GRIK2: variants seen among roughly 807,000 people sequenced by gnomAD.
GRIK2 encodes glutamate receptor ionotropic, kainate 2.
Under a neutral mutation model 100.3 loss-of-function variants are expected in GRIK2, and 32 were observed. That is an observed-to-expected ratio of 0.32 (90% CI 0.24 to 0.43). The LOEUF (loss-of-function observed/expected upper bound fraction) is 0.43, where lower values mean the gene tolerates loss of function less well. Ranked by LOEUF, GRIK2 falls within the 20% of genes least tolerant of loss-of-function variation. GRIK2 has a pLI of 1.00. For missense variants in GRIK2, 843 were observed against 1,114.9 expected (o/e 0.76, Z 3.47); for synonymous variants, 417 against 389.4 (o/e 1.07, Z -0.83).
intron 15 of GRIK2, among the ~76,000 whole-genome samples, chr6:102,045,228 A>G (rs2782921): frequency 0.36 from 55,096 of 151,904 alleles, 10,382 homozygotes; most frequent in Middle Eastern, 0.45. Context: ...CAAATAAACA[A>G]GGTAATGTGT....
At chr6:101,723,087 C>T (rs923946287) in intron 7 of GRIK2, among the ~76,000 whole-genome samples, 3 of 152,090 alleles carry the variant, frequency 2.0e-5, no homozygotes, top group East Asian at 3.9e-4. Context: ...AGAGTCCATG[C>T]TCACTTTTAG....
intron 2 of GRIK2, among the ~76,000 whole-genome samples, chr6:101,422,516 A>G (rs1776457974): frequency 6.6e-6 from 1 of 152,108 alleles, no homozygotes; most frequent in Non-Finnish European, 1.5e-5. Context: ...TCTGATTCCC[A>G]ATGTTTAACA....
intron 2 of GRIK2, among the ~76,000 whole-genome samples, chr6:101,609,254 A>G (rs1031329891): frequency 2.0e-5 from 3 of 151,750 alleles, no homozygotes; most frequent in Admixed American, 6.6e-5. Flanking sequence ...TCCCTGGACA[A>G]TTTTCTACAA....
intron 14 of GRIK2, among the ~76,000 whole-genome samples, chr6:101,933,276 CT>C (rs1331826406): frequency 2.0e-5 from 3 of 151,890 alleles, no homozygotes; most frequent in Non-Finnish European, 2.9e-5. Context: ...CTAAATTCAG[CT>C]TGCAAAGTGG....
At chr6:101,550,194 A>G (rs1196668839) in intron 2 of GRIK2, among the ~76,000 whole-genome samples, 1 of 152,228 alleles carries the variant, frequency 6.6e-6, no homozygotes, top group Admixed American at 6.5e-5. Context: ...TAACATTGAA[A>G]TACATTAAAC....
In GRIK2 at chr6:101,922,584, C is replaced by A. The variant is rs147683999; in HGVS notation, c.1749-2017C>A. 4.0e-3 allele frequency among the ~76,000 whole-genome samples: 603 copies of A among 152,234 alleles called. 7 individuals carry two copies. The highest frequency in any genetic ancestry group is 5.5e-3 in the Non-Finnish European group (376 of 68,022). ...TAATATTTACTTGCTATTATTGTGT[C>A]AAAGTATTGAATATTTGCCACCTGC... is the stretch of plus-strand genomic sequence containing the variant. On this transcript the variant is annotated intron_variant, in intron 12 of 16. Coordinates refer to ENST00000369134, the MANE Select transcript of GRIK2 (RefSeq NM_021956.5).
chr6:101,988,517 C>T (rs1261350595), intron 14 of GRIK2, among the ~76,000 whole-genome samples: 1 of 151,772 alleles, frequency 6.6e-6, no homozygotes, highest in Admixed American at 6.6e-5. Context: ...TTCTGGTTCA[C>T]CACATACTAG....
chr6:101,881,348 G>T (rs1310043879), intron 11 of GRIK2, among the ~76,000 whole-genome samples: 2 of 151,748 alleles, frequency 1.3e-5, no homozygotes, highest in African/African-American at 4.8e-5. Flanking sequence ...TTCAAAAGAT[G>T]CTAATTACTT....
chr6:101,722,844 CAAAT>C (rs947016352), intron 7 of GRIK2, among the ~76,000 whole-genome samples: 2 of 152,000 alleles, frequency 1.3e-5, no homozygotes, highest in African/African-American at 2.4e-5. Flanking sequence ...ACAGAAGAAA[CAAAT>C]AAGATGCAAA....
At chr6:101,435,465 C>T (rs568697824) in intron 2 of GRIK2, among the ~76,000 whole-genome samples, 2 of 151,580 alleles carry the variant, frequency 1.3e-5, no homozygotes, top group African/African-American at 4.8e-5. Context: ...CCCTTCCCCT[C>T]AATCCCCTCC....
chr6:101,697,465 A>G (rs1772576536), intron 7 of GRIK2, among the ~76,000 whole-genome samples: 1 of 137,602 alleles, frequency 7.3e-6, no homozygotes, highest in Non-Finnish European at 1.6e-5. Context: ...GAGCCCAATT[A>G]CAATGATTTA....
chr6:101,616,547 A>T (rs530470848), intron 2 of GRIK2, among the ~76,000 whole-genome samples: 4 of 151,922 alleles, frequency 2.6e-5, no homozygotes, highest in African/African-American at 9.6e-5. Context: ...AGTTTCTGTA[A>T]AAAGTCTTTT....
At position 101,992,148 on chromosome 6, in the gene GRIK2, G is replaced by T. The variant is rs1451048430; in HGVS notation, c.2086-43193G>T. ...GTTAATATTTATGTTAATTAAGAGAGAACTATAAAGAAGCAGATCAGTCAG... is the reference window on the plus strand; with the variant it reads ...GTTAATATTTATGTTAATTAAGAGATAACTATAAAGAAGCAGATCAGTCAG... On this transcript the variant is annotated intron_variant, in intron 14 of 16. Transcript: ENST00000369134. Among the ~76,000 whole-genome samples the T allele has an allele frequency of 2.0e-5, 3 of 151,384 alleles. No homozygotes were observed. In the Admixed American group the frequency reaches 2.0e-4, roughly 10 times the overall value.
intron 2 of GRIK2, among the ~76,000 whole-genome samples, chr6:101,562,516 T>A (rs1777071518): frequency 6.6e-6 from 1 of 151,618 alleles, no homozygotes; most frequent in African/African-American, 2.4e-5. Context: ...TTTTTGTAGT[T>A]TTTTTTAGTA....
At chr6:101,949,031 T>C (rs1285436072) in intron 14 of GRIK2, among the ~76,000 whole-genome samples, 1 of 152,204 alleles carries the variant, frequency 6.6e-6, no homozygotes, top group Non-Finnish European at 1.5e-5. Flanking sequence ...AATAATTGCT[T>C]ATTTTATTAA....
At chr6:101,743,409 T>A (rs2128379029) in intron 7 of GRIK2, among the ~76,000 whole-genome samples, 1 of 152,356 alleles carries the variant, frequency 6.6e-6, no homozygotes, top group East Asian at 1.9e-4. Context: ...TCAGCCCTTG[T>A]TTTAAGCAGG....
chr6:101,639,076 T>G (rs1781159774), intron 4 of GRIK2, among the ~76,000 whole-genome samples: 1 of 152,068 alleles, frequency 6.6e-6, no homozygotes, highest in Non-Finnish European at 1.5e-5. Flanking sequence ...AGTCTCGCTC[T>G]GTCGCCAGGC....
chr6:101,644,517 A>T (rs1781431118), intron 4 of GRIK2, among the ~76,000 whole-genome samples: 1 of 151,804 alleles, frequency 6.6e-6, no homozygotes, highest in Non-Finnish European at 1.5e-5. Flanking sequence ...TAGGTTAGTC[A>T]CCAGCAGCCC....
chr6:101,591,564 C>G (rs529029070), intron 2 of GRIK2, among the ~76,000 whole-genome samples: 1 of 151,578 alleles, frequency 6.6e-6, no homozygotes, highest in Non-Finnish European at 1.5e-5. Context: ...TTTCTTTTCA[C>G]ATATTTAAAA....
Sources: gnomAD v4.1 joint callset for allele counts (sites outside exome capture counted in the v4.1 genomes callset) on GRCh38, gnomAD v4.1.1 for gene constraint, MANE v1.5 for transcripts, NCBI Gene and HGNC (gene_info 2026-07-23, HGNC 2026-07-21) for gene names.